KIAA1671: variants seen among roughly 807,000 people sequenced by gnomAD.
KIAA1671 encodes KIAA1671.
In KIAA1671, 52 loss-of-function variants were observed where a neutral mutation model predicts 131.2. The ratio of observed to expected loss-of-function variants is 0.40; its 90% CI spans 0.32 to 0.50. The LOEUF (loss-of-function observed/expected upper bound fraction) is 0.50. Among genes scored for constraint, KIAA1671 ranks in the 20% least tolerant of loss-of-function variants. KIAA1671 has a pLI of 0.73. For synonymous variants in KIAA1671, 1,003 were observed against 961.6 expected, an observed-to-expected ratio of 1.04 and a Z score of -0.80; for missense variants, 2,360 against 2,364.2, an observed-to-expected ratio of 1.00 and a Z score of 0.04.
chr22:24,973,399 T>TTTG (rs1555948812), intron 1 of KIAA1671, among the ~76,000 whole-genome samples: 5 of 135,950 alleles, frequency 3.7e-5, no homozygotes, highest in African/African-American at 5.5e-5. Flanking sequence ...GTTTTTTTTT[T>TTTG]TTTTTTTTTT....
chr22:25,002,109 C>T (rs1924510302), intron 1 of KIAA1671, among the ~76,000 whole-genome samples: 1 of 152,130 alleles, frequency 6.6e-6, no homozygotes, highest in African/African-American at 2.4e-5. Context: ...TCCCATTGTC[C>T]TGCCCTAAAA....
chr22:25,101,594 T>C (rs764532078), intron 6 of KIAA1671, among the ~76,000 whole-genome samples: 3 of 152,210 alleles, frequency 2.0e-5, no homozygotes, highest in African/African-American at 4.8e-5. Context: ...CACAAGGAAA[T>C]AATCTTGGGC....
chr22:25,077,021 C>G (rs1281336207), intron 6 of KIAA1671, among the ~76,000 whole-genome samples: 1 of 152,208 alleles, frequency 6.6e-6, no homozygotes, highest in Non-Finnish European at 1.5e-5. Context: ...ATTATTTTTA[C>G]TACTTCGTGG....
chr22:25,099,773 G>A lies in KIAA1671; in HGVS notation c.4530+50409G>A, dbSNP rs143083037. ...CATGATCCACCCGCCTCGGCCTCCC[G>A]AGGTACTGGTATTACAGGTGTGAGC... On this transcript the variant is annotated intron_variant, in intron 6 of 12. Transcript: ENST00000358431. 1.1e-3 allele frequency among the ~76,000 whole-genome samples: 174 copies of A among 152,050 alleles called. 1 individual carries two copies. The highest frequency in any genetic ancestry group is 3.7e-3 in the African/African-American group (154 of 41,484).
Position 25,039,520 on chromosome 22 carries a change from G to A in KIAA1671, c.2390G>A (p.Ser797Asn). 6.4e-7 allele frequency: 1 copy of A among 1,551,850 alleles called. No individual in the cohort carries two copies. Among genetic ancestry groups the A allele is most frequent in the Non-Finnish European group, 8.7e-7 (1 of 1,147,026 alleles). The change falls in exon 5 of 13, where the codon AGT becomes AAT. Residue 797 changes from serine (S) to asparagine (N), a missense_variant. Ser to Asn is a conservative substitution (Grantham distance 46). Transcript: ENST00000358431. ...EGQAGSVQRA[S>N]LIWEARGMPE... ...CAGGCGGGGTCCGTCCAAAGGGCCA[G>A]TTTGATTTGGGAAGCTCGAGGCATG...
At chr22:25,157,566 C>T (rs530455239) in intron 6 of KIAA1671, among the ~76,000 whole-genome samples, 5 of 152,278 alleles carry the variant, frequency 3.3e-5, no homozygotes, top group African/African-American at 9.6e-5. Context: ...CTTGACTCAT[C>T]GTAACCTTAG....
At chr22:25,081,897 A>G (rs1309201088) in intron 6 of KIAA1671, among the ~76,000 whole-genome samples, 2 of 152,132 alleles carry the variant, frequency 1.3e-5, no homozygotes, top group Admixed American at 1.3e-4. Flanking sequence ...CTCCATCTCT[A>G]CAAAAAATGT....
At chr22:25,083,336 C>T (rs1207761256) in intron 6 of KIAA1671, among the ~76,000 whole-genome samples, 1 of 152,152 alleles carries the variant, frequency 6.6e-6, no homozygotes, top group Non-Finnish European at 1.5e-5. Context: ...ACCTAACACC[C>T]TTATTTTAAA....
intron 6 of KIAA1671, chr22:25,070,202 A>G (rs530831701): frequency 2.5e-6 from 1 of 393,440 alleles, no homozygotes; most frequent in Non-Finnish European, 4.5e-6. Context: ...AGCCGTGGCC[A>G]TTAGTGGAGC....
At chr22:25,093,832 C>G (rs1568951562) in intron 6 of KIAA1671, among the ~76,000 whole-genome samples, 5 of 69,368 alleles carry the variant, frequency 7.2e-5, no homozygotes, top group South Asian at 6.3e-4. Context: ...CTTTCTCTCT[C>G]TGTCTGTCTC....
At chr22:25,031,824 G>A (rs1358943011) in intron 3 of KIAA1671, among the ~76,000 whole-genome samples, 1 of 152,182 alleles carries the variant, frequency 6.6e-6, no homozygotes, top group African/African-American at 2.4e-5. Context: ...GAGGCTCTGA[G>A]TTTAGACAGA....
chr22:25,007,499 A>AGG (rs1924813625), intron 1 of KIAA1671, among the ~76,000 whole-genome samples: 1 of 151,510 alleles, frequency 6.6e-6, no homozygotes, highest in South Asian at 2.1e-4. Flanking sequence ...AGCAAGGGAA[A>AGG]AAAAAAAAAA....
chr22:25,016,967 G>A (rs1925362452), intron 1 of KIAA1671, among the ~76,000 whole-genome samples: 1 of 152,208 alleles, frequency 6.6e-6, no homozygotes, highest in African/African-American at 2.4e-5. Context: ...TAGCAGCTCA[G>A]AGGCACTTCT....
chr22:24,967,788 C>G (rs557091039), intron 1 of KIAA1671, among the ~76,000 whole-genome samples: 5 of 152,218 alleles, frequency 3.3e-5, no homozygotes, highest in South Asian at 2.1e-4. Context: ...GTCAGGAGAT[C>G]GAGACCATCC....
intron 1 of KIAA1671, among the ~76,000 whole-genome samples, chr22:24,970,742 C>T (rs5752028): frequency 6.9e-6 from 1 of 145,748 alleles, no homozygotes; most frequent in Non-Finnish European, 1.5e-5. Flanking sequence ...AAAAAAAAAA[C>T]AAAACAAAAC....
chr22:25,017,843 C>A (rs554167857), intron 1 of KIAA1671, among the ~76,000 whole-genome samples: 1 of 152,162 alleles, frequency 6.6e-6, no homozygotes, highest in African/African-American at 2.4e-5. Flanking sequence ...AAAGTGTCTT[C>A]GGTGTAACAA....
At chr22:25,148,605 G>A (rs1307843831) in intron 6 of KIAA1671, among the ~76,000 whole-genome samples, 1 of 152,196 alleles carries the variant, frequency 6.6e-6, no homozygotes, top group Non-Finnish European at 1.5e-5. Context: ...CTTGTGATGG[G>A]CCTGGTGCAG....
At chr22:25,112,509 C>G (rs903262504) in intron 6 of KIAA1671, 2 of 398,122 alleles carry the variant, frequency 5.0e-6, no homozygotes, top group Non-Finnish European at 8.8e-6. Flanking sequence ...ACTGAAAGCT[C>G]CTCCCCTCCA....
Position 25,040,950 on chromosome 22 carries a change from C to A in KIAA1671, c.3820C>A (p.Pro1274Thr). 6.8e-7 allele frequency: 1 copy of A among 1,479,522 alleles called. No homozygotes were observed. Among genetic ancestry groups the A allele is most frequent in the Non-Finnish European group, 9.0e-7 (1 of 1,114,362 alleles). 91.6% of individuals were successfully genotyped at this position (1,479,522 alleles called of 1,614,324 possible). A position where few individuals can be genotyped will look rare whatever the true frequency, so the allele number is the denominator to read the frequency against. The change falls in exon 5 of 13, where the codon CCT becomes ACT. Residue 1274 changes from proline (P) to threonine (T), a missense_variant. Physicochemically the swap from Pro to Thr is conservative, Grantham distance 38. Around this residue, in one of 3 missense-constraint regions of KIAA1671, gnomAD observed 1,161 missense variants for 1,204.7 expected, o/e 0.96. Transcript: ENST00000358431. ...SSAEINHSFTPGLGKQLAETL... is the reference protein window; with the variant it reads ...SSAEINHSFTTGLGKQLAETL... ...TGCCGAAATAAATCACAGTTTCACT[C>A]CTGGCTTAGGCAAGCAGCTGGCAGA...
Sources: allele counts gnomAD v4.1 joint callset (sites outside exome capture counted in the v4.1 genomes callset), GRCh38; gene constraint gnomAD v4.1.1; regional missense constraint gnomAD v4.1.1; transcripts MANE v1.5; gene names NCBI Gene and HGNC (gene_info 2026-07-23, HGNC 2026-07-21).